The following FHIT variants were observed in gnomAD, a reference collection of about 807,000 sequenced individuals.
FHIT encodes the protein bis(5'-adenosyl)-triphosphatase.
Under a neutral mutation model 17.9 loss-of-function variants are expected in FHIT, and 19 were observed. The ratio of observed to expected loss-of-function variants is 1.06; its 90% CI spans 0.74 to 1.56. The LOEUF (loss-of-function observed/expected upper bound fraction) is 1.56, where lower values mean the gene tolerates loss of function less well. FHIT is among the 40% of genes most tolerant of loss of function. The probability of loss-of-function intolerance (pLI) is 0.00; values close to 1 mark genes in which losing one functional copy is unlikely to be tolerated. For synonymous variants in FHIT, 81 were observed against 69.7 expected (o/e 1.16, Z -0.81); for missense variants, 248 against 189.2 (o/e 1.31, Z -1.82).
chr3:60,874,548 T>C (rs1007672351), intron 3 of FHIT, among the ~76,000 whole-genome samples: 3 of 152,180 alleles, frequency 2.0e-5, no homozygotes, highest in Non-Finnish European at 4.4e-5. Context: ...TTTATCTACT[T>C]TCTACTTCTA....
chr3:59,865,876 G>T (rs768960566), intron 8 of FHIT, among the ~76,000 whole-genome samples: 4 of 152,182 alleles, frequency 2.6e-5, no homozygotes, highest in Non-Finnish European at 5.9e-5. Context: ...TTCGGCAGAG[G>T]CAGGAACGGG....
intron 4 of FHIT, among the ~76,000 whole-genome samples, chr3:60,735,483 T>C (rs935748070): frequency 4.6e-5 from 7 of 152,174 alleles, no homozygotes; most frequent in African/African-American, 1.4e-4. Flanking sequence ...ATGCTAAGAT[T>C]TGAGAACTAC....
chr3:60,741,339 G>A (rs1471160256), intron 4 of FHIT, among the ~76,000 whole-genome samples: 1 of 152,110 alleles, frequency 6.6e-6, no homozygotes, highest in Non-Finnish European at 1.5e-5. Flanking sequence ...TATTGCAATC[G>A]AGTTTAAGGA....
intron 1 of FHIT, among the ~76,000 whole-genome samples, chr3:61,231,203 A>G (rs1290351709): frequency 6.6e-6 from 1 of 152,240 alleles, no homozygotes; most frequent in Admixed American, 6.5e-5. Context: ...CAGTTAAAAA[A>G]TACTCACTGG....
chr3:59,824,650 C>T (rs1195143537), intron 8 of FHIT, among the ~76,000 whole-genome samples: 1 of 152,174 alleles, frequency 6.6e-6, no homozygotes, highest in Non-Finnish European at 1.5e-5. Context: ...CTGGATGAAA[C>T]TTGATACTTC....
chr3:60,943,055 T>C (rs1553774926), intron 3 of FHIT, among the ~76,000 whole-genome samples: 2 of 152,162 alleles, frequency 1.3e-5, no homozygotes, highest in Non-Finnish European at 2.9e-5. Context: ...GCATTAAGAC[T>C]TTCTATGTGT....
rs964152777 is a variant in FHIT at position 59,748,145 on chromosome 3, A to G, written c.*1440T>C. ...AAATCATCAGCATTGTTTTTCTCTT[A>G]TGTTTATTTTTATGCTTAACTTCTA... On this transcript the variant is annotated 3_prime_UTR_variant, in exon 10 of 10. Coordinates refer to ENST00000492590, the MANE Select transcript of FHIT (RefSeq NM_002012.4). Among the ~76,000 whole-genome samples, 2 of 152,036 alleles carry G rather than the reference A, an allele frequency of 1.3e-5. No homozygotes were observed. The highest frequency in any genetic ancestry group is 4.8e-5 in the African/African-American group (2 of 41,400).
At chr3:60,069,515 G>C (rs188514305) in intron 5 of FHIT, among the ~76,000 whole-genome samples, 1 of 152,154 alleles carries the variant, frequency 6.6e-6, no homozygotes, top group African/African-American at 2.4e-5. Context: ...CAAAGAGACA[G>C]GTAAGGCCCC....
rs533579232 is a variant in FHIT, at chr3:60,136,864, C to T, written c.104-122712G>A. On this transcript the variant is annotated intron_variant, in intron 5 of 9. Coordinates refer to ENST00000492590, the MANE Select transcript of FHIT (RefSeq NM_002012.4). ...ACATGCCCTATGGATTAGTAACAGT[C>T]TGATACTAGAAAAAAGGAAGCTCAA... Among the ~76,000 whole-genome samples, 341 of 152,040 alleles carry T rather than the reference C, an allele frequency of 2.2e-3. 2 individuals are homozygous for T. Among genetic ancestry groups the T allele is most frequent in the African/African-American group, 7.2e-3 (298 of 41,420 alleles).
intron 4 of FHIT, among the ~76,000 whole-genome samples, chr3:60,787,841 C>A (rs1253064361): frequency 6.6e-6 from 1 of 152,146 alleles, no homozygotes; most frequent in Non-Finnish European, 1.5e-5. Flanking sequence ...AAACAAGGGT[C>A]TTTTTCTGAT....
At chr3:60,147,374 C>T (rs961031232) in intron 5 of FHIT, among the ~76,000 whole-genome samples, 1 of 152,184 alleles carries the variant, frequency 6.6e-6, no homozygotes, top group South Asian at 2.1e-4. Flanking sequence ...AGAGGAGAGA[C>T]TGCAGCAGCT....
chr3:61,094,627 G>A (rs754366399), intron 2 of FHIT, among the ~76,000 whole-genome samples: 6 of 152,134 alleles, frequency 3.9e-5, no homozygotes, highest in Non-Finnish European at 8.8e-5. Flanking sequence ...GTAAGATATT[G>A]ACAATGATAG....
intron 1 of FHIT, among the ~76,000 whole-genome samples, chr3:61,242,775 G>T (rs1209627903): frequency 6.6e-6 from 1 of 152,150 alleles, no homozygotes; most frequent in Non-Finnish European, 1.5e-5. Context: ...GGGAGTCAAA[G>T]CTGTCCTCCT....
intron 5 of FHIT, among the ~76,000 whole-genome samples, chr3:60,527,047 G>A (rs1312654044): frequency 3.9e-5 from 6 of 152,316 alleles, no homozygotes; most frequent in African/African-American, 1.2e-4. Flanking sequence ...TAATGTGGAT[G>A]TGGGGAGCAT....
chr3:60,335,931 T>A (rs1352498661), intron 5 of FHIT, among the ~76,000 whole-genome samples: 2 of 152,214 alleles, frequency 1.3e-5, no homozygotes, highest in African/African-American at 4.8e-5. Context: ...TTTTCTCAGA[T>A]GAAACATGCA....
chr3:60,084,921 C>T, intron 5 of FHIT, among the ~76,000 whole-genome samples: 2 of 152,060 alleles, frequency 1.3e-5, no homozygotes, highest in East Asian at 3.9e-4. Flanking sequence ...CTTCAGGCAT[C>T]TTCTGTTATC....
chr3:60,207,657 T>C (rs1443647319), intron 5 of FHIT, among the ~76,000 whole-genome samples: 2 of 152,114 alleles, frequency 1.3e-5, no homozygotes, highest in African/African-American at 4.8e-5. Context: ...TCAATAAAAA[T>C]GCTATGATTT....
At chr3:60,498,297 ACAATT>A (rs1375082895) in intron 5 of FHIT, among the ~76,000 whole-genome samples, 1 of 152,238 alleles carries the variant, frequency 6.6e-6, no homozygotes, top group African/African-American at 2.4e-5. Context: ...TATAAATGAA[ACAATT>A]CAATAAATGA....
intron 1 of FHIT, among the ~76,000 whole-genome samples, chr3:61,235,372 A>G (rs990457007): frequency 1.3e-5 from 2 of 152,212 alleles, no homozygotes; most frequent in East Asian, 3.8e-4. Flanking sequence ...AGAGGATGAA[A>G]TACGAAAATC....
Sources: allele counts gnomAD v4.1 joint callset (sites outside exome capture counted in the v4.1 genomes callset), GRCh38; gene constraint gnomAD v4.1.1; transcripts MANE v1.5; gene names NCBI Gene and HGNC (gene_info 2026-07-23, HGNC 2026-07-21).